SAMD7: variants seen among roughly 807,000 people sequenced by gnomAD.
SAMD7 encodes the protein sterile alpha motif domain containing 7.
Under a neutral mutation model 36.7 loss-of-function variants are expected in SAMD7, and 34 were observed. That is an observed-to-expected ratio of 0.93 (90% CI 0.71 to 1.23). The LOEUF (loss-of-function observed/expected upper bound fraction) is 1.23, where lower values mean the gene tolerates loss of function less well. Among genes scored for constraint, SAMD7 ranks in the 50% most tolerant of loss-of-function variants. The pLI is 0.00. For synonymous variants in SAMD7, 188 were observed against 189.7 expected, an observed-to-expected ratio of 0.99 and a Z score of 0.07; for missense variants, 570 against 546.6, an observed-to-expected ratio of 1.04 and a Z score of -0.43.
intron 8 of SAMD7, among the ~76,000 whole-genome samples, chr3:169,937,732 T>C (rs1360467404): frequency 6.6e-6 from 1 of 152,240 alleles, no homozygotes; most frequent in Non-Finnish European, 1.5e-5. Context: ...TGTGCATTTA[T>C]CTTTGTAATA....
chr3:169,932,581 A>G, intron 7 of SAMD7: 4 of 526,482 alleles, frequency 7.6e-6, no homozygotes, highest in South Asian at 6.3e-5. Context: ...TAACTGTAGG[A>G]CACAATACTT....
chr3:169,930,621 G>T (rs1306077443), intron 7 of SAMD7, among the ~76,000 whole-genome samples: 1 of 128,286 alleles, frequency 7.8e-6, no homozygotes, highest in African/African-American at 3.1e-5. Context: ...TTGCTCTGTC[G>T]CCCAGGCTGG....
Position 169,938,294 on chromosome 3 carries a change from A to G in SAMD7, c.1153-24A>G, listed in dbSNP as rs200498634. The G allele has an allele frequency of 4.3e-4, 638 of 1,488,014 alleles. 2 individuals carry two copies. The highest frequency in any genetic ancestry group is 5.4e-4 in the Admixed American group (29 of 53,884). The allele number at this position is 1,488,014 out of a possible 1,614,324, so 92.2% of individuals were successfully genotyped here. A position where few individuals can be genotyped will look rare whatever the true frequency, so the allele number is the denominator to read the frequency against. On this transcript the variant is annotated intron_variant, in intron 8 of 8. Transcript: ENST00000335556. ...ATGAAAAAAATTCATAGAATTGATTACTATAATTATTTTGTCTTAAAAGGT... is the reference window on the plus strand; with the variant it reads ...ATGAAAAAAATTCATAGAATTGATTGCTATAATTATTTTGTCTTAAAAGGT...
At chr3:169,912,443 TCTA>T (rs1172466726) in intron 1 of SAMD7, among the ~76,000 whole-genome samples, 1 of 152,246 alleles carries the variant, frequency 6.6e-6, no homozygotes, top group Non-Finnish European at 1.5e-5. Context: ...CACTTTAGTC[TCTA>T]CAGATTTATA....
At chr3:169,934,614 G>T (rs190675291) in intron 7 of SAMD7, among the ~76,000 whole-genome samples, 1 of 152,298 alleles carries the variant, frequency 6.6e-6, no homozygotes, top group African/African-American at 2.4e-5. Flanking sequence ...GCTTTTGTGG[G>T]TGGGGGACAC....
intron 7 of SAMD7, among the ~76,000 whole-genome samples, chr3:169,934,429 A>C (rs764920191): frequency 1.3e-5 from 2 of 152,000 alleles, no homozygotes; most frequent in Admixed American, 6.6e-5. Context: ...AATCCTCACA[A>C]AAAAAAACCA....
chr3:169,911,863 G>A (rs958399577), intron 1 of SAMD7, 42 bp downstream of exon 1: 2 of 152,126 alleles, frequency 1.3e-5, no homozygotes, highest in African/African-American at 4.8e-5. Flanking sequence ...CAAAATTGAG[G>A]CCAGTTACTC....
At chr3:169,922,890 G>A (rs1713107075) in intron 4 of SAMD7, among the ~76,000 whole-genome samples, 1 of 152,232 alleles carries the variant, frequency 6.6e-6, no homozygotes, top group South Asian at 2.1e-4. Context: ...TGTGCCATCT[G>A]CAGAGCAAGT....
chr3:169,925,037 A>T, intron 4 of SAMD7, 21 bp from the exon 5 acceptor site: 1 of 1,466,870 alleles, frequency 6.8e-7, no homozygotes, highest in Admixed American at 1.8e-5. Context: ...GTGGGGTGGG[A>T]TGGTGGTTTT....
intron 4 of SAMD7, among the ~76,000 whole-genome samples, chr3:169,923,010 A>G (rs1713113269): frequency 6.6e-6 from 1 of 152,156 alleles, no homozygotes; most frequent in South Asian, 2.1e-4. Context: ...ATGACTTGTG[A>G]GGGCTCAGGA....
At chr3:169,931,179 T>C (rs1265312612) in intron 7 of SAMD7, among the ~76,000 whole-genome samples, 1 of 152,222 alleles carries the variant, frequency 6.6e-6, no homozygotes, top group African/African-American at 2.4e-5. Flanking sequence ...CAAGTAAATG[T>C]CTAGTTCAGA....
At chr3:169,921,479 C>A in intron 4 of SAMD7, 141 bp downstream of exon 4, 1 of 767,452 alleles carries the variant, frequency 1.3e-6, no homozygotes, top group Non-Finnish European at 2.1e-6. Context: ...TAGTCACCAC[C>A]TAGGTTCAGA....
intron 5 of SAMD7, 119 bp downstream of exon 5, chr3:169,925,255 C>T: frequency 1.7e-6 from 1 of 590,092 alleles, no homozygotes; most frequent in Non-Finnish European, 2.9e-6. Context: ...TACACACACA[C>T]AAATTACTTA....
chr3:169,922,557 T>A (rs1713088843), intron 4 of SAMD7, among the ~76,000 whole-genome samples: 1 of 152,254 alleles, frequency 6.6e-6, no homozygotes, highest in South Asian at 2.1e-4. Context: ...TGGAGTGCAA[T>A]GGCACAATCT....
intron 3 of SAMD7, among the ~76,000 whole-genome samples, chr3:169,920,905 G>T (rs182180849): frequency 4.2e-4 from 64 of 152,328 alleles, no homozygotes; most frequent in African/African-American, 1.5e-3. Flanking sequence ...ACAGTAGACT[G>T]TTGGTCATGA....
intron 7 of SAMD7, among the ~76,000 whole-genome samples, chr3:169,935,499 T>TTTTTGTTTTG (rs141323031): frequency 7.2e-5 from 11 of 151,742 alleles, no homozygotes; most frequent in Non-Finnish European, 1.2e-4. Context: ...TGTTTTCTGT[T>TTTTTGTTTTG]TTTTGTTTTG....
intron 7 of SAMD7, 29 bp downstream of exon 7, chr3:169,928,607 A>C: frequency 1.2e-6 from 2 of 1,606,392 alleles, no homozygotes. Flanking sequence ...ATTTCCATAC[A>C]AGAAAAACAG....
chr3:169,939,009 TGA>T lies in SAMD7; in HGVS notation c.*506_*507del, dbSNP rs968460347. The T allele has an allele frequency of 2.6e-5, 4 of 152,206 alleles. No homozygotes were observed. The highest frequency in any genetic ancestry group is 7.3e-5 in the African/African-American group (3 of 41,336). 9.4% of individuals were successfully genotyped at this position (152,206 alleles called of 1,614,324 possible). A position where few individuals can be genotyped will look rare whatever the true frequency, so the allele number is the denominator to read the frequency against. On this transcript the variant is annotated 3_prime_UTR_variant, in exon 9 of 9. Transcript: ENST00000335556. ...TGAAGCAGGCCCAAGCTAGGGAAGG[TGA>T]GAAGCTTTAACCTTAAATTTTCGAG... is the stretch of plus-strand genomic sequence containing the variant.
chr3:169,915,798 G>A (rs545611525), intron 2 of SAMD7, among the ~76,000 whole-genome samples: 9 of 151,664 alleles, frequency 5.9e-5, no homozygotes, highest in South Asian at 2.1e-4. Flanking sequence ...GGCTGGTCTC[G>A]AACTCCTGAC....
Sources: gnomAD v4.1 joint callset for allele counts (sites outside exome capture counted in the v4.1 genomes callset) on GRCh38, gnomAD v4.1.1 for gene constraint, MANE v1.5 for transcripts, NCBI Gene and HGNC (gene_info 2026-07-23, HGNC 2026-07-21) for gene names.